TTLL5: variants seen among roughly 807,000 people sequenced by gnomAD.
The protein encoded by TTLL5 is tubulin polyglutamylase TTLL5.
Under a neutral mutation model 168.4 loss-of-function variants are expected in TTLL5, and 132 were observed. That is an observed-to-expected ratio of 0.78 (90% CI 0.68 to 0.91). The LOEUF (loss-of-function observed/expected upper bound fraction) is 0.91, where lower values mean the gene tolerates loss of function less well. Ranked by LOEUF, TTLL5 falls within the 40% of genes least tolerant of loss-of-function variation. The pLI is 0.00. For missense variants in TTLL5, 1,545 were observed against 1,581.5 expected (o/e 0.98, Z 0.39); for synonymous variants, 546 against 558.6 (o/e 0.98, Z 0.32).
At position 75,702,643 on chromosome 14, in the gene TTLL5, C is replaced by T. The variant is rs138465004; in HGVS notation, c.585+3373C>T. The stretch of plus-strand genomic sequence containing the variant: ...TGCGCCCTAACTCTTCCCTGGATGC[C>T]GAATCTCAGTGGGGTGACATGTCTT... On this transcript the variant is annotated intron_variant, in intron 7 of 31. Transcript: ENST00000298832. 7.1e-3 allele frequency among the ~76,000 whole-genome samples: 986 copies of T among 139,076 alleles called. 7 individuals are homozygous for T. The highest frequency in any genetic ancestry group is 0.01 in the African/African-American group (407 of 39,256). The allele number at this position is 139,076 out of a possible 152,430, so 91.2% of individuals were successfully genotyped here. A position where few individuals can be genotyped will look rare whatever the true frequency, so the allele number is the denominator to read the frequency against.
chr14:75,901,092 C>T (rs914781836), intron 30 of TTLL5, among the ~76,000 whole-genome samples: 2 of 152,112 alleles, frequency 1.3e-5, no homozygotes, highest in African/African-American at 4.8e-5. Context: ...AACTTTTACA[C>T]ATCAACTAAA....
At chr14:75,798,005 A>G (rs759724481) in intron 27 of TTLL5, among the ~76,000 whole-genome samples, 1 of 152,038 alleles carries the variant, frequency 6.6e-6, no homozygotes, top group Non-Finnish European at 1.5e-5. Context: ...CTTTTGGAAT[A>G]GTTTCAATAA....
rs2034286909 is a variant in TTLL5 at position 75,931,835 on chromosome 14, A to G, written c.3824-22589A>G. On this transcript the variant is annotated intron_variant, in intron 31 of 31. Coordinates refer to ENST00000298832, the MANE Select transcript of TTLL5 (RefSeq NM_015072.5). ...CTTCCTAGAAATCCCATCCCTTACT[A>G]TCAACTCCTGTAGCACCCTTTGCCT... Among the ~76,000 whole-genome samples, 4 of 152,268 alleles carry G rather than the reference A, an allele frequency of 2.6e-5. No homozygotes were observed. In the South Asian group the frequency reaches 8.3e-4, roughly 32 times the overall value.
intron 7 of TTLL5, among the ~76,000 whole-genome samples, chr14:75,700,005 AT>A (rs1394865775): frequency 1.3e-5 from 2 of 152,106 alleles, no homozygotes; most frequent in Non-Finnish European, 2.9e-5. Context: ...TCCCTTGCAC[AT>A]TTGTTTGATT....
At chr14:75,757,829 AG>A in intron 18 of TTLL5, 1 of 1,591,460 alleles carries the variant, frequency 6.3e-7, no homozygotes, top group Non-Finnish European at 8.5e-7. Context: ...CTGCTTCTGT[AG>A]GGGAAACCCA....
At chr14:75,723,793 G>C (rs890671105) in intron 12 of TTLL5, among the ~76,000 whole-genome samples, 1 of 152,092 alleles carries the variant, frequency 6.6e-6, no homozygotes, top group African/African-American at 2.4e-5. Context: ...CTTGTGTTCA[G>C]TTTTAATAAA....
intron 27 of TTLL5, among the ~76,000 whole-genome samples, chr14:75,818,822 A>G (rs1391253852): frequency 6.6e-6 from 1 of 152,132 alleles, no homozygotes; most frequent in Non-Finnish European, 1.5e-5. Flanking sequence ...ATGTTAATGC[A>G]TACGTAATAT....
In TTLL5 at chr14:75,908,157, GCTTT is replaced by G. The variant is rs563453811; in HGVS notation, c.3823+5934_3823+5937del. 2.0e-4 allele frequency among the ~76,000 whole-genome samples: 31 copies of G among 152,372 alleles called. No individual in the cohort carries two copies. The East Asian group carries it at 6.0e-3, about 29-fold the overall frequency. On this transcript the variant is annotated intron_variant, in intron 31 of 31. Coordinates refer to ENST00000298832, the MANE Select transcript of TTLL5 (RefSeq NM_015072.5). ...ATAAGCGAGGGATGACTGATGCTGT[GCTTT>G]GTGATTAGCTGAGGCGATGAGACAG...
intron 20 of TTLL5, among the ~76,000 whole-genome samples, chr14:75,768,395 G>A (rs1421414882): frequency 1.3e-5 from 2 of 152,138 alleles, no homozygotes; most frequent in Non-Finnish European, 2.9e-5. Context: ...TGTGAGTGGA[G>A]AAAATAAGAA....
chr14:75,789,012 T>A (rs1892540987), intron 26 of TTLL5, among the ~76,000 whole-genome samples: 1 of 152,140 alleles, frequency 6.6e-6, no homozygotes, highest in Non-Finnish European at 1.5e-5. Flanking sequence ...TTCATCATGG[T>A]ACATGCAGAA....
At chr14:75,791,258 C>T (rs1314474433) in intron 26 of TTLL5, among the ~76,000 whole-genome samples, 5 of 152,020 alleles carry the variant, frequency 3.3e-5, no homozygotes, top group African/African-American at 4.8e-5. Flanking sequence ...TTTATGGCTG[C>T]GTTGTTTATA....
intron 18 of TTLL5, among the ~76,000 whole-genome samples, chr14:75,755,146 C>G (rs1428280956): frequency 2.0e-5 from 3 of 151,960 alleles, no homozygotes; most frequent in Non-Finnish European, 4.4e-5. Context: ...TGCCTATAAT[C>G]CCAGCTACTT....
At chr14:75,874,076 C>A (rs1036992939) in intron 29 of TTLL5, among the ~76,000 whole-genome samples, 1 of 149,856 alleles carries the variant, frequency 6.7e-6, no homozygotes, top group Admixed American at 6.6e-5. Context: ...AATGGTTATT[C>A]TTTATTTATT....
chr14:75,844,228 A>G (rs899417520), intron 28 of TTLL5, among the ~76,000 whole-genome samples: 1 of 152,126 alleles, frequency 6.6e-6, no homozygotes, highest in Non-Finnish European at 1.5e-5. Context: ...TTTTTGTATG[A>G]GGTATGAGAT....
intron 26 of TTLL5, among the ~76,000 whole-genome samples, chr14:75,791,074 T>C: frequency 7.9e-6 from 1 of 126,704 alleles, no homozygotes; most frequent in African/African-American, 3.2e-5. Context: ...CCACTGCGCT[T>C]CAGCCTGGGT....
At position 75,717,861 on chromosome 14, in the gene TTLL5, G is replaced by A. The variant is rs765401548; in HGVS notation, c.741G>A (p.Arg247=). ...VIYLYEEGLA[R]FATVRYDQGA... ...ATTTAACCTGTTTCCCTTCTATCAGGTTTGCAACTGTGCGATATGATCAAG... is the reference window on the plus strand; with the variant it reads ...ATTTAACCTGTTTCCCTTCTATCAGATTTGCAACTGTGCGATATGATCAAG... The change falls in exon 10 of 32, where the codon AGG becomes AGA. Residue 247 remains arginine (R), a splice_region_variant and synonymous_variant. Transcript: ENST00000298832. 1.9e-5 allele frequency: 31 copies of A among 1,613,314 alleles called. No individual in the cohort carries two copies. Among genetic ancestry groups the A allele is most frequent in the Admixed American group, 6.7e-5 (4 of 59,958 alleles).
rs1419731698 is a variant in TTLL5 at position 75,954,416 on chromosome 14, T to A, written c.3824-8T>A. 1.2e-6 allele frequency: 2 copies of A among 1,614,032 alleles called. No individual in the cohort carries two copies. The highest frequency in any genetic ancestry group is 4.5e-5 in the East Asian group (2 of 44,888). ...CATTCATTTCATGGTTGCCTTTCTCTTTTTCAGATCCTGCTCACACTAAAA... is the reference window on the plus strand; with the variant it reads ...CATTCATTTCATGGTTGCCTTTCTCATTTTCAGATCCTGCTCACACTAAAA... On this transcript the variant is annotated splice_polypyrimidine_tract_variant and splice_region_variant and intron_variant, in intron 31 of 31. Coordinates refer to ENST00000298832, the MANE Select transcript of TTLL5 (RefSeq NM_015072.5).
intron 31 of TTLL5, among the ~76,000 whole-genome samples, chr14:75,914,033 A>AATATATATATATATATATATATATATAT (rs1182456559): frequency 4.2e-5 from 3 of 71,066 alleles, no homozygotes; most frequent in South Asian, 5.5e-4. Context: ...AAAAAAAAAA[A>AATATATATATATATATATATATATATAT]ATATATATAT....
Position 75,954,543 on chromosome 14 carries a change from T to A in TTLL5, c.*97T>A. On this transcript the variant is annotated 3_prime_UTR_variant, in exon 32 of 32. Transcript: ENST00000298832. ...CACTTCAAGGGGTCCATAGTATTTT[T>A]TTTTTTGCTGCCTCAAAGTCCCCAA... 6.9e-7 allele frequency: 1 copy of A among 1,440,822 alleles called. No individual in the cohort carries two copies. Among genetic ancestry groups the A allele is most frequent in the Non-Finnish European group, 9.6e-7 (1 of 1,043,400 alleles). 89.3% of individuals were successfully genotyped at this position (1,440,822 alleles called of 1,614,324 possible).
Sources: allele counts gnomAD v4.1 joint callset (sites outside exome capture counted in the v4.1 genomes callset), GRCh38; gene constraint gnomAD v4.1.1; transcripts MANE v1.5; gene names NCBI Gene and HGNC (gene_info 2026-07-23, HGNC 2026-07-21).